Variants in TSC2 observed in about 807,000 individuals in gnomAD.
The protein encoded by TSC2 is tuberin.
Under a neutral mutation model 202.2 loss-of-function variants are expected in TSC2, and 29 were observed. The ratio of observed to expected loss-of-function variants is 0.14; its 90% CI spans 0.11 to 0.20. The LOEUF (loss-of-function observed/expected upper bound fraction) is 0.20, where lower values mean the gene tolerates loss of function less well. Ranked by LOEUF, TSC2 falls within the 10% of genes least tolerant of loss-of-function variation. The pLI, the probability that TSC2 is intolerant of heterozygous loss-of-function variation, is 1.00. For missense variants in TSC2, 2,429 were observed against 2,420.0 expected (o/e 1.00, Z -0.08); for synonymous variants, 1,349 against 1,044.0 (o/e 1.29, Z -5.63).
At chr16:2,087,459 C>T (rs1166071960) in intron 38 of TSC2, among the ~76,000 whole-genome samples, 3 of 145,076 alleles carry the variant, frequency 2.1e-5, no homozygotes, top group African/African-American at 5.1e-5. Context: ...GGGAGGTGGG[C>T]TCTGCTAGAT....
Position 2,065,684 on chromosome 16 carries a change from G to A in TSC2, c.1716+49G>A, listed in dbSNP as rs780418515. ...TGCTCCCGGGGCGCGCATGGCTAGC[G>A]TCCACCAGCTGCATCTGCGTTGTGT... On this transcript the variant is annotated intron_variant, in intron 16 of 41. Transcript: ENST00000219476. The A allele has an allele frequency of 6.1e-5, 91 of 1,499,166 alleles. 3 individuals are homozygous for A. In the South Asian group the frequency reaches 7.7e-4, roughly 13 times the overall value. 92.9% of individuals were successfully genotyped at this position (1,499,166 alleles called of 1,614,324 possible). A position where few individuals can be genotyped will look rare whatever the true frequency, so the allele number is the denominator to read the frequency against.
chr16:2,078,255 TG>T, intron 26 of TSC2: 1 of 171,998 alleles, frequency 5.8e-6, no homozygotes, highest in Non-Finnish European at 1.3e-5. Flanking sequence ...CCGCAGTGTC[TG>T]GGTGCAGGTG....
intron 11 of TSC2, chr16:2,061,384 G>A (rs2086622484): frequency 3.3e-6 from 1 of 305,854 alleles, no homozygotes; most frequent in African/African-American, 2.2e-5. Flanking sequence ...AGTCCTCTCA[G>A]AGCCTGTCGC....
rs966695764 is a variant in TSC2, at chr16:2,088,553, G to A, written c.5367G>A (p.Glu1789=). The change falls in exon 42 of 42, where the codon GAG becomes GAA. Residue 1789 remains glutamate, a synonymous_variant. Transcript: ENST00000219476. ...QTPAEPTPGY[E]VGQRKRLISS... ...CAGCCGAGCCCACACCTGGCTATGA[G>A]GTGGGCCAGCGGAAGCGCCTCATCT... The A allele has an allele frequency of 5.0e-6, 8 of 1,611,422 alleles. No individual in the cohort carries two copies. Among genetic ancestry groups the A allele is most frequent in the Non-Finnish European group, 5.9e-6 (7 of 1,179,942 alleles).
intron 13 of TSC2, 83 bp from the exon 14 acceptor site, chr16:2,062,889 G>A (rs911855038): frequency 7.5e-6 from 11 of 1,472,326 alleles, no homozygotes; most frequent in Middle Eastern, 2.3e-4. Context: ...CCAGAGTCGG[G>A]CTGGCCTGCG....
At chr16:2,073,170 C>T (rs1437162763) in intron 21 of TSC2, among the ~76,000 whole-genome samples, 187 bp downstream of exon 21, 1 of 152,222 alleles carries the variant, frequency 6.6e-6, no homozygotes, top group Non-Finnish European at 1.5e-5. Context: ...GTGCTTCTAG[C>T]TCTCTTTGGG....
At chr16:2,069,776 G>A (rs562636602) in intron 16 of TSC2, among the ~76,000 whole-genome samples, 11 of 152,106 alleles carry the variant, frequency 7.2e-5, no homozygotes, top group Admixed American at 3.3e-4. Flanking sequence ...CACTGTGCCC[G>A]GCCTAATTTT....
At chr16:2,059,522 T>G (rs2086360216) in intron 10 of TSC2, among the ~76,000 whole-genome samples, 1 of 145,514 alleles carries the variant, frequency 6.9e-6, no homozygotes, top group African/African-American at 2.5e-5. Context: ...TTTTTTTTTT[T>G]TTTTTTTTTT....
chr16:2,083,543 C>T (rs983463013), intron 32 of TSC2, 152 bp from the exon 33 acceptor site: 3 of 1,360,584 alleles, frequency 2.2e-6, no homozygotes, highest in Non-Finnish European at 3.0e-6. Flanking sequence ...TCCTCCCTGC[C>T]CGCTCGGTGG....
chr16:2,057,127 C>G lies in TSC2; in HGVS notation c.797C>G (p.Thr266Ser). 6.4e-7 allele frequency: 1 copy of G among 1,551,616 alleles called. No individual in the cohort carries two copies. The highest frequency in any genetic ancestry group is 8.7e-7 in the Non-Finnish European group (1 of 1,147,030). The change falls in exon 9 of 42, where the codon ACC (threonine) becomes AGC (serine). Residue 266 changes from threonine to serine, a missense_variant. Thr to Ser is a moderately conservative substitution (Grantham distance 58). Coordinates refer to ENST00000219476, the MANE Select transcript of TSC2 (RefSeq NM_000548.5). ...CAGCTGATGCGGAACCTCCTTGGCACCCACCTGGGCCACAGCGCCATCTAC... is the reference window on the plus strand; with the variant it reads ...CAGCTGATGCGGAACCTCCTTGGCAGCCACCTGGGCCACAGCGCCATCTAC... ...CWKLMRNLLG[T>S]HLGHSAIYNM...
chr16:2,049,833 T>C (rs981763408), intron 2 of TSC2, among the ~76,000 whole-genome samples: 6 of 151,594 alleles, frequency 4.0e-5, no homozygotes, highest in Non-Finnish European at 7.4e-5. Context: ...TAAAAAAAAA[T>C]TGTGCAGTTT....
In TSC2 at chr16:2,072,922, C is replaced by T. The variant is rs886042145; in HGVS notation, c.2294C>T (p.Ala765Val). 1.1e-5 allele frequency: 18 copies of T among 1,613,526 alleles called. No homozygotes were observed. The highest frequency in any genetic ancestry group is 1.3e-5 in the Non-Finnish European group (15 of 1,180,044). Residue 765 changes from alanine (A) to valine (V), a missense_variant, in exon 21 of 42, where the codon GCC becomes GTC. Coordinates refer to ENST00000219476, the MANE Select transcript of TSC2 (RefSeq NM_000548.5). The part of the protein sequence containing the change: ...EGFSRTDLHL[A>V]VVPVLTALIS... ...TTCTCCAGAACTGACTTGCACCTGG[C>T]CGTGGTTCCAGTGCTGACAGCATTA...
rs769387942 is a variant in TSC2 at position 2,079,511 on chromosome 16, C to T, written c.3285-46C>T. On this transcript the variant is annotated intron_variant, in intron 28 of 41. Coordinates refer to ENST00000219476, the MANE Select transcript of TSC2 (RefSeq NM_000548.5). The surrounding 1 kb of genome is among the most constrained non-coding windows in gnomAD (Gnocchi z 4.6). ...CCAGGCCCACGTGGCACCCTCGTACCAGCCTGGGGACTAAGTCCACCCTGT... is the reference window on the plus strand; with the variant it reads ...CCAGGCCCACGTGGCACCCTCGTACTAGCCTGGGGACTAAGTCCACCCTGT... 1.2e-6 allele frequency: 2 copies of T among 1,605,968 alleles called. No individual in the cohort carries two copies. Among genetic ancestry groups the T allele is most frequent in the Admixed American group, 3.4e-5 (2 of 58,740 alleles).
At chr16:2,051,169 G>A (rs991098637) in intron 3 of TSC2, among the ~76,000 whole-genome samples, 1 of 151,896 alleles carries the variant, frequency 6.6e-6, no homozygotes, top group African/African-American at 2.4e-5. Flanking sequence ...ACTAAAAGAT[G>A]ATGAGCCGGG....
rs755653968 is a variant in TSC2 at position 2,089,423 on chromosome 16, G to A, written c.*813G>A. 3 of 475,206 alleles carry A rather than the reference G, an allele frequency of 6.3e-6. No homozygotes were observed. Among genetic ancestry groups the A allele is most frequent in the South Asian group, 5.1e-5 (2 of 39,064 alleles). The allele number at this position is 475,206 out of a possible 1,614,324, so 29.4% of individuals were successfully genotyped here. A position where few individuals can be genotyped will look rare whatever the true frequency, so the allele number is the denominator to read the frequency against. On this transcript the variant is annotated 3_prime_UTR_variant, in exon 42 of 42. Transcript: ENST00000219476. ...GCAGTGGGGGACATCTGCCCAGGGG[G>A]TGGGGCCGGGCACAGCCCGCTGTAC...
rs1378842608 is a variant in TSC2, at chr16:2,084,271, A to T, written c.4049A>T (p.Glu1350Val). 6.2e-7 allele frequency: 1 copy of T among 1,610,128 alleles called. No individual in the cohort carries two copies. Among genetic ancestry groups the T allele is most frequent in the African/African-American group, 1.3e-5 (1 of 74,938 alleles). The stretch of plus-strand genomic sequence containing the variant: ...CAGGAGGAGAAGTCGCTCCACGCGG[A>T]GGAGCTGGTTGGCAGGGGCATCCCC... ...SSQEEKSLHA[E>V]ELVGRGIPIE... Residue 1350 changes from glutamate (E) to valine (V), a missense_variant, in exon 34 of 42, where the codon GAG (glutamate) becomes GTG (valine). Physicochemically the swap from Glu to Val is moderately radical, Grantham distance 121. Transcript: ENST00000219476.
Position 2,048,027 on chromosome 16 carries a change from C to T in TSC2, c.-68C>T, listed in dbSNP as rs918943259. On this transcript the variant is annotated 5_prime_UTR_variant, in exon 1 of 42. Transcript: ENST00000219476. ...GGGGCCAGGGGGGTGCGCCTTTCTC[C>T]GCGTCGGGGCGGCCCGGAGCGCGGT... 1 of 1,441,418 alleles carries T rather than the reference C, an allele frequency of 6.9e-7. No homozygotes were observed. Among genetic ancestry groups the T allele is most frequent in the Non-Finnish European group, 9.1e-7 (1 of 1,103,670 alleles). 89.3% of individuals were successfully genotyped at this position (1,441,418 alleles called of 1,614,324 possible).
At chr16:2,082,668 T>A in intron 32 of TSC2, 164 bp downstream of exon 32, 1 of 785,930 alleles carries the variant, frequency 1.3e-6, no homozygotes, top group Non-Finnish European at 2.1e-6. Context: ...TGTCTTTGGC[T>A]TGGCCAGCGG....
rs774664591 is a variant in TSC2, at chr16:2,086,222, T to C, written c.4692T>C (p.Asn1564=). 2.5e-6 allele frequency: 4 copies of C among 1,612,472 alleles called. No homozygotes were observed. Among genetic ancestry groups the C allele is most frequent in the African/African-American group, 2.7e-5 (2 of 74,866 alleles). Residue 1564 remains asparagine, a synonymous_variant, in exon 37 of 42, where the codon AAT becomes AAC. Transcript: ENST00000219476. The part of the protein sequence containing the change: ...QSNSELAILS[N]EHGSYRYTEF... ...ACAGCGAGCTCGCCATCCTGTCCAA[T>C]GAGCATGGCTCCTACAGGTACACGG...
Sources: gnomAD v4.1 joint callset for allele counts (sites outside exome capture counted in the v4.1 genomes callset) on GRCh38, gnomAD v4.1.1 for gene constraint, Gnocchi (gnomAD v3.1) non-coding constraint, MANE v1.5 for transcripts, NCBI Gene and HGNC (gene_info 2026-07-23, HGNC 2026-07-21) for gene names.